CACNA2D3: variants seen among roughly 807,000 people sequenced by gnomAD.
CACNA2D3 encodes the protein voltage-dependent calcium channel subunit alpha-2/delta-3.
A neutral mutation model predicts 160.6 loss-of-function variants in CACNA2D3; 60 were observed. The observed-to-expected ratio is 0.37, with a 90% CI of 0.30 to 0.46. The LOEUF (loss-of-function observed/expected upper bound fraction) is 0.46, where lower values mean the gene tolerates loss of function less well. CACNA2D3 is among the 20% of genes least tolerant of loss of function. CACNA2D3 has a pLI of 1.00. For missense variants in CACNA2D3, 1,205 were observed against 1,365.0 expected, an observed-to-expected ratio of 0.88 and a Z score of 1.85; for synonymous variants, 558 against 492.9, an observed-to-expected ratio of 1.13 and a Z score of -1.75.
chr3:54,553,076 T>A (rs1472621230), intron 5 of CACNA2D3, among the ~76,000 whole-genome samples: 1 of 152,170 alleles, frequency 6.6e-6, no homozygotes, highest in Non-Finnish European at 1.5e-5. Flanking sequence ...ATCCTCCTTG[T>A]CCCTCTGGTC....
At chr3:54,549,022 T>G (rs1702110161) in intron 5 of CACNA2D3, among the ~76,000 whole-genome samples, 1 of 152,156 alleles carries the variant, frequency 6.6e-6, no homozygotes, top group Non-Finnish European at 1.5e-5. Context: ...ACAAAGCAAA[T>G]TCCTTTTCCC....
At position 54,630,519 on chromosome 3, in the gene CACNA2D3, C is replaced by T. The variant is rs547523695; in HGVS notation, c.1053+2643C>T. Among the ~76,000 whole-genome samples, 3 of 152,306 alleles carry T rather than the reference C, an allele frequency of 2.0e-5. No homozygotes were observed. The South Asian group carries it at 6.2e-4, about 32-fold the overall frequency. ...CTTGCAGACTCACAAGGTACTTGCGCATATCAAAGGCCTTGAGAAGTCCTG... is the reference window on the plus strand; with the variant it reads ...CTTGCAGACTCACAAGGTACTTGCGTATATCAAAGGCCTTGAGAAGTCCTG... On this transcript the variant is annotated intron_variant, in intron 10 of 37. Transcript: ENST00000474759.
intron 26 of CACNA2D3, among the ~76,000 whole-genome samples, chr3:54,899,258 A>C (rs1700270897): frequency 6.6e-6 from 1 of 152,222 alleles, no homozygotes; most frequent in Admixed American, 6.5e-5. Context: ...TTTGGAGTGA[A>C]GATTATGCTC....
intron 2 of CACNA2D3, among the ~76,000 whole-genome samples, chr3:54,124,776 T>G (rs1459604256): frequency 2.6e-5 from 4 of 152,244 alleles, no homozygotes; most frequent in African/African-American, 9.6e-5. Flanking sequence ...GAAACCTTAT[T>G]CATTGAAAGA....
At chr3:54,781,278 G>A (rs1702531412) in intron 13 of CACNA2D3, among the ~76,000 whole-genome samples, 1 of 152,162 alleles carries the variant, frequency 6.6e-6, no homozygotes, top group Non-Finnish European at 1.5e-5. Context: ...TTTTTGTAAG[G>A]TCTGGTGATT....
chr3:54,794,325 A>ACCTG (rs1204467650), intron 13 of CACNA2D3, among the ~76,000 whole-genome samples: 1 of 152,124 alleles, frequency 6.6e-6, no homozygotes, highest in African/African-American at 2.4e-5. Context: ...ACAACAGTAT[A>ACCTG]CCTGCAATGC....
chr3:54,811,292 T>C (rs1046440845), intron 13 of CACNA2D3, among the ~76,000 whole-genome samples: 1 of 152,026 alleles, frequency 6.6e-6, no homozygotes, highest in Non-Finnish European at 1.5e-5. Context: ...AGTCATCTTC[T>C]CAGTAAATGG....
intron 10 of CACNA2D3, chr3:54,632,560 T>C (rs747904392): frequency 9.9e-5 from 15 of 152,214 alleles, no homozygotes; most frequent in Middle Eastern, 3.2e-3. Flanking sequence ...GACAGAGTCT[T>C]AGCAGCTTCC....
chr3:54,864,294 A>G (rs1699355012), intron 17 of CACNA2D3, among the ~76,000 whole-genome samples: 1 of 149,308 alleles, frequency 6.7e-6, no homozygotes, highest in African/African-American at 2.5e-5. Context: ...TTTTTTTTCC[A>G]AGACAGTCTC....
intron 2 of CACNA2D3, among the ~76,000 whole-genome samples, chr3:54,295,742 T>G (rs1177205957): frequency 1.3e-5 from 2 of 152,196 alleles, no homozygotes; most frequent in Non-Finnish European, 2.9e-5. Flanking sequence ...GGGATGACTT[T>G]GAGTTGTGCC....
intron 2 of CACNA2D3, among the ~76,000 whole-genome samples, chr3:54,221,652 C>T (rs1701574541): frequency 6.6e-6 from 1 of 152,128 alleles, no homozygotes; most frequent in African/African-American, 2.4e-5. Context: ...TACCCAAATT[C>T]ACAGATGCTA....
chr3:54,317,704 A>AT (rs1485213777), intron 2 of CACNA2D3, among the ~76,000 whole-genome samples: 11 of 151,956 alleles, frequency 7.2e-5, no homozygotes, highest in Admixed American at 6.6e-4. Context: ...TAACTGACTA[A>AT]TTTTTTGTAT....
chr3:54,168,805 C>G (rs1700504390), intron 2 of CACNA2D3, among the ~76,000 whole-genome samples: 1 of 152,170 alleles, frequency 6.6e-6, no homozygotes, highest in Admixed American at 6.5e-5. Flanking sequence ...AAAGCTCAGC[C>G]AAGCCAATTT....
At chr3:54,838,681 A>C in intron 16 of CACNA2D3, 33 bp downstream of exon 16, 2 of 1,453,488 alleles carry the variant, frequency 1.4e-6, no homozygotes, top group South Asian at 1.1e-5. Context: ...AAATCAAAGC[A>C]ACAGAGATGC....
chr3:54,582,450 A>T (rs17054162), intron 9 of CACNA2D3, among the ~76,000 whole-genome samples: 7,867 of 152,350 alleles, frequency 0.052, 288 homozygotes, highest in Non-Finnish European at 0.072. Context: ...GGAGTATCCT[A>T]GGAAAATTTC....
chr3:54,681,265 G>A (rs1016406687), intron 11 of CACNA2D3, among the ~76,000 whole-genome samples: 2 of 151,216 alleles, frequency 1.3e-5, no homozygotes, highest in African/African-American at 2.4e-5. Context: ...GACCAGGCAC[G>A]GTGGCTCACA....
chr3:54,808,132 T>C (rs531592216), intron 13 of CACNA2D3, among the ~76,000 whole-genome samples: 224 of 151,114 alleles, frequency 1.5e-3, no homozygotes, highest in African/African-American at 5.1e-3. Flanking sequence ...GTGCAGCACA[T>C]CAGCATGGCA....
intron 5 of CACNA2D3, among the ~76,000 whole-genome samples, chr3:54,536,182 A>G (rs1436293466): frequency 2.0e-5 from 3 of 152,156 alleles, no homozygotes; most frequent in African/African-American, 7.2e-5. Context: ...CTAGTGAAAA[A>G]CTGCCAGGCT....
chr3:54,619,809 T>C (rs1698943738), intron 9 of CACNA2D3, among the ~76,000 whole-genome samples: 1 of 152,036 alleles, frequency 6.6e-6, no homozygotes, highest in African/African-American at 2.4e-5. Context: ...TAATATTGGC[T>C]CTGCACTGCC....
Sources: gnomAD v4.1 joint callset for allele counts (sites outside exome capture counted in the v4.1 genomes callset) on GRCh38, gnomAD v4.1.1 for gene constraint, MANE v1.5 for transcripts, NCBI Gene and HGNC (gene_info 2026-07-23, HGNC 2026-07-21) for gene names.